UTRN: variants seen among roughly 807,000 people sequenced by gnomAD.
UTRN encodes the protein dystrophin-related protein 1.
A neutral mutation model predicts 463.9 loss-of-function variants in UTRN; 283 were observed. The ratio of observed to expected loss-of-function variants is 0.61; its 90% confidence interval spans 0.55 to 0.67. UTRN has a LOEUF of 0.67. Among genes scored for constraint, UTRN ranks in the 30% least tolerant of loss-of-function variants. The probability of loss-of-function intolerance (pLI) is 0.00; values close to 1 mark genes in which losing one functional copy is unlikely to be tolerated. For missense variants in UTRN, 3,922 were observed against 4,084.3 expected (o/e 0.96, Z 1.08); for synonymous variants, 1,442 against 1,431.5 (o/e 1.01, Z -0.17).
At chr6:144,757,604 T>A (rs1469452122) in intron 57 of UTRN, among the ~76,000 whole-genome samples, 1 of 152,086 alleles carries the variant, frequency 6.6e-6, no homozygotes, top group Non-Finnish European at 1.5e-5. Context: ...TTATCAAAAA[T>A]ATATATGGAG....
At chr6:144,319,658 C>T (rs1775505730) in intron 2 of UTRN, among the ~76,000 whole-genome samples, 1 of 152,138 alleles carries the variant, frequency 6.6e-6, no homozygotes, top group African/African-American at 2.4e-5. Flanking sequence ...ACCTTGATCT[C>T]CTGGGCTCAA....
rs572256073 is a variant in UTRN at position 144,823,698 on chromosome 6, A to G, written c.9494+2680A>G. On this transcript the variant is annotated intron_variant, in intron 66 of 74. Coordinates refer to ENST00000367545, the MANE Select transcript of UTRN (RefSeq NM_007124.3). The stretch of plus-strand genomic sequence containing the variant: ...GCAAAATTTTCCAGAAAATAAATCA[A>G]TAAATGAGTAGAGTTTGATTAAAGA... Among the ~76,000 whole-genome samples the G allele has an allele frequency of 3.9e-5, 6 of 152,328 alleles. No individual in the cohort carries two copies. In the South Asian group the frequency reaches 1.2e-3, roughly 32 times the overall value.
At chr6:144,655,320 T>C (rs1352100839) in intron 51 of UTRN, among the ~76,000 whole-genome samples, 2 of 152,244 alleles carry the variant, frequency 1.3e-5, no homozygotes, top group Non-Finnish European at 2.9e-5. Flanking sequence ...CTCTCCCTAA[T>C]GGAACTTCAG....
At chr6:144,622,076 A>G (rs1775441995) in intron 51 of UTRN, among the ~76,000 whole-genome samples, 1 of 151,876 alleles carries the variant, frequency 6.6e-6, no homozygotes. Context: ...TTTAATAAAC[A>G]GTTGAATATT....
intron 51 of UTRN, among the ~76,000 whole-genome samples, chr6:144,591,490 C>T (rs1045619603): frequency 6.6e-6 from 1 of 152,016 alleles, no homozygotes; most frequent in African/African-American, 2.4e-5. Flanking sequence ...TCTAGTTAAC[C>T]CACAAAGAAA....
intron 51 of UTRN, among the ~76,000 whole-genome samples, chr6:144,663,276 A>C (rs1780056432): frequency 6.6e-6 from 1 of 152,164 alleles, no homozygotes. Flanking sequence ...CAAAGTGATA[A>C]GGGATGAGAA....
intron 65 of UTRN, among the ~76,000 whole-genome samples, chr6:144,816,444 A>G (rs1208297632): frequency 6.6e-6 from 1 of 151,938 alleles, no homozygotes; most frequent in Non-Finnish European, 1.5e-5. Context: ...GCAGTGTTCC[A>G]TTTTCTGACT....
At position 144,542,813 on chromosome 6, in the gene UTRN, A is replaced by G. The variant is rs770724660; in HGVS notation, c.6538A>G (p.Thr2180Ala). 2.5e-6 allele frequency: 4 copies of G among 1,613,592 alleles called. No homozygotes were observed. Among genetic ancestry groups the G allele is most frequent in the Non-Finnish European group, 3.4e-6 (4 of 1,179,826 alleles). The change falls in exon 46 of 75, where the codon ACC becomes GCC. Residue 2180 changes from threonine to alanine, a missense_variant. Around this residue, in one of 3 missense-constraint regions of UTRN, gnomAD observed 2,349 missense variants for 2,303.8 expected, o/e 1.02. Coordinates refer to ENST00000367545, the MANE Select transcript of UTRN (RefSeq NM_007124.3). ...TWNKICREVP[T>A]TLKECIQEPS... ...GCGGTAGATTTGCAGAGAGGTGCCT[A>G]CCACCCTGAAGGAATGCATCCAGGA... is the stretch of plus-strand genomic sequence containing the variant.
intron 58 of UTRN, among the ~76,000 whole-genome samples, chr6:144,769,191 A>C (rs577114092): frequency 6.6e-6 from 1 of 151,966 alleles, no homozygotes; most frequent in South Asian, 2.1e-4. Context: ...AACTTCAGGC[A>C]TTTTGGCAAG....
At chr6:144,302,570 A>G (rs1282605970) in intron 2 of UTRN, among the ~76,000 whole-genome samples, 1 of 152,058 alleles carries the variant, frequency 6.6e-6, no homozygotes, top group Non-Finnish European at 1.5e-5. Context: ...TTACATACAT[A>G]CCTCATTCAT....
Position 144,444,351 on chromosome 6 carries a change from A to C in UTRN, c.1583A>C (p.Asn528Thr). 1 of 1,610,436 alleles carries C rather than the reference A, an allele frequency of 6.2e-7. No homozygotes were observed. Among genetic ancestry groups the C allele is most frequent in the Non-Finnish European group, 8.5e-7 (1 of 1,177,774 alleles). The change falls in exon 14 of 75, where the codon AAT (asparagine) becomes ACT (threonine). Residue 528 changes from asparagine to threonine, a missense_variant. Around this residue, in one of 3 missense-constraint regions of UTRN, gnomAD observed 2,349 missense variants for 2,303.8 expected, o/e 1.02. Transcript: ENST00000367545. ...EERWNRLQEI[N>T]ILWQELLEEQ... Reference sequence around the variant, plus strand: ...CGCTGGAATAGGTTACAAGAAATCAATATATTGTGGCAGGAATTATTGGAA... The same window carrying C: ...CGCTGGAATAGGTTACAAGAAATCACTATATTGTGGCAGGAATTATTGGAA...
At chr6:144,483,676 TG>T (rs1448799436) in intron 27 of UTRN, among the ~76,000 whole-genome samples, 1 of 152,212 alleles carries the variant, frequency 6.6e-6, no homozygotes, top group East Asian at 1.9e-4. Flanking sequence ...CTGGAACTCT[TG>T]GGCTCAAGCC....
At chr6:144,557,482 G>A (rs577587972) in intron 50 of UTRN, among the ~76,000 whole-genome samples, 171 bp downstream of exon 50, 5 of 152,156 alleles carry the variant, frequency 3.3e-5, no homozygotes, top group African/African-American at 1.2e-4. Flanking sequence ...AGTACAGAAT[G>A]TATGCTTATA....
At chr6:144,741,245 G>A (rs1790038453) in intron 54 of UTRN, among the ~76,000 whole-genome samples, 1 of 152,188 alleles carries the variant, frequency 6.6e-6, no homozygotes. Flanking sequence ...TGGGTAGAAA[G>A]CTCCAGACTT....
intron 54 of UTRN, among the ~76,000 whole-genome samples, chr6:144,741,954 G>A (rs1211173457): frequency 6.6e-6 from 1 of 152,072 alleles, no homozygotes; most frequent in African/African-American, 2.4e-5. Flanking sequence ...AGCGTGTTTT[G>A]TATTCTGAGT....
intron 28 of UTRN, 129 bp downstream of exon 28, chr6:144,485,648 C>T: frequency 7.7e-7 from 1 of 1,305,380 alleles, no homozygotes; most frequent in Non-Finnish European, 1.0e-6. Context: ...ATGTCACTTG[C>T]ATTTTCTTCC....
At chr6:144,799,568 T>G in intron 64 of UTRN, 1 of 462,262 alleles carries the variant, frequency 2.2e-6, no homozygotes. Context: ...ATAGCTGGAA[T>G]GTGGCAAGGT....
intron 33 of UTRN, 143 bp downstream of exon 33, chr6:144,493,599 G>T: frequency 1.2e-6 from 1 of 849,836 alleles, no homozygotes; most frequent in Non-Finnish European, 1.7e-6. Flanking sequence ...ATTCATACGT[G>T]TTTTCAATTT....
intron 18 of UTRN, among the ~76,000 whole-genome samples, chr6:144,452,679 C>A (rs1788441646): frequency 6.6e-6 from 1 of 151,858 alleles, no homozygotes; most frequent in African/African-American, 2.4e-5. Context: ...CTTGCCATGG[C>A]TCACGCTTAT....
Sources: gnomAD v4.1 joint callset for allele counts (sites outside exome capture counted in the v4.1 genomes callset) on GRCh38, gnomAD v4.1.1 for gene constraint, gnomAD v4.1.1 regional missense constraint, MANE v1.5 for transcripts, NCBI Gene and HGNC (gene_info 2026-07-23, HGNC 2026-07-21) for gene names.